Variants in DGKB observed in about 807,000 individuals in gnomAD.
The protein encoded by DGKB is diacylglycerol kinase beta.
Under a neutral mutation model 114.3 loss-of-function variants are expected in DGKB, and 67 were observed. That is an observed-to-expected ratio of 0.59 (90% CI 0.48 to 0.72). DGKB has a LOEUF of 0.72. DGKB is among the 30% of genes least tolerant of loss of function. The probability of loss-of-function intolerance (pLI) is 0.00; values close to 1 mark genes in which losing one functional copy is unlikely to be tolerated. For missense variants in DGKB, 907 were observed against 975.2 expected, an observed-to-expected ratio of 0.93 and a Z score of 0.93; for synonymous variants, 398 against 323.1, an observed-to-expected ratio of 1.23 and a Z score of -2.49.
intron 2 of DGKB, among the ~76,000 whole-genome samples, chr7:14,829,294 C>T (rs752491616): frequency 5.3e-5 from 8 of 152,144 alleles, no homozygotes; most frequent in Non-Finnish European, 4.4e-5. Context: ...TCTTATCATG[C>T]TCCCCTTAAA....
At chr7:14,854,334 G>T (rs1365819918) in intron 1 of DGKB, among the ~76,000 whole-genome samples, 1 of 152,142 alleles carries the variant, frequency 6.6e-6, no homozygotes, top group Non-Finnish European at 1.5e-5. Context: ...AATCTGTTGT[G>T]TAAGACACTT....
In DGKB at chr7:14,701,705, A is replaced by G. The variant is rs974072577; in HGVS notation, c.492T>C (p.Asp164=). The change falls in exon 7 of 26, where the codon GAT becomes GAC. Residue 164 remains aspartate, a synonymous_variant. Transcript: ENST00000402815. ...LEFMFRLYDT[D]GNGFLDSSEL... ...CCGAGCTGTCCAGGAAGCCATTCCCATCCGTGTCATAAAGGCGAAACATAA... is the reference window on the plus strand; with the variant it reads ...CCGAGCTGTCCAGGAAGCCATTCCCGTCCGTGTCATAAAGGCGAAACATAA... 2.5e-6 allele frequency: 4 copies of G among 1,612,506 alleles called. No homozygotes were observed. The highest frequency in any genetic ancestry group is 4.5e-5 in the East Asian group (2 of 44,810).
At chr7:14,829,146 G>C (rs1010508073) in intron 2 of DGKB, among the ~76,000 whole-genome samples, 1 of 151,966 alleles carries the variant, frequency 6.6e-6, no homozygotes, top group Non-Finnish European at 1.5e-5. Flanking sequence ...CATGGGTAGG[G>C]GTGCATCATG....
intron 21 of DGKB, among the ~76,000 whole-genome samples, chr7:14,347,075 G>A (rs1382922376): frequency 6.6e-6 from 1 of 151,926 alleles, no homozygotes; most frequent in Non-Finnish European, 1.5e-5. Context: ...TCCCCAAGAA[G>A]CTCAGAATGT....
At chr7:14,229,227 C>T (rs1055788821) in intron 23 of DGKB, among the ~76,000 whole-genome samples, 2 of 151,908 alleles carry the variant, frequency 1.3e-5, no homozygotes, top group East Asian at 3.9e-4. Context: ...TACATACACT[C>T]ATATACAGTA....
At chr7:14,176,561 T>C (rs1584261169) in intron 25 of DGKB, 4 of 1,108,696 alleles carry the variant, frequency 3.6e-6, no homozygotes, top group South Asian at 4.4e-5. Flanking sequence ...TTTAGCTCCA[T>C]AGTTTATAAT....
intron 2 of DGKB, among the ~76,000 whole-genome samples, chr7:14,820,226 A>G (rs541445356): frequency 6.6e-6 from 1 of 152,278 alleles, no homozygotes; most frequent in East Asian, 1.9e-4. Context: ...AAAACCCTCT[A>G]AACCAAATTT....
At chr7:14,676,785 A>G (rs1819935777) in intron 12 of DGKB, among the ~76,000 whole-genome samples, 1 of 152,030 alleles carries the variant, frequency 6.6e-6, no homozygotes, top group Non-Finnish European at 1.5e-5. Context: ...AAGAATAGAA[A>G]TGAACTACAG....
chr7:14,468,549 T>A (rs940757896), intron 21 of DGKB, among the ~76,000 whole-genome samples: 1 of 151,048 alleles, frequency 6.6e-6, no homozygotes, highest in South Asian at 2.1e-4. Flanking sequence ...AAAATTATTA[T>A]ATATAATATT....
intron 14 of DGKB, among the ~76,000 whole-genome samples, chr7:14,627,334 T>C (rs1270382656): frequency 6.6e-6 from 1 of 152,098 alleles, no homozygotes; most frequent in African/African-American, 2.4e-5. Flanking sequence ...GTTAGTCACT[T>C]CCTACACTTG....
chr7:14,608,440 A>C (rs1804919258), intron 16 of DGKB, among the ~76,000 whole-genome samples: 1 of 152,080 alleles, frequency 6.6e-6, no homozygotes, highest in South Asian at 2.1e-4. Context: ...AACATAACTC[A>C]AAATAATAAA....
At chr7:14,890,310 T>C (rs1780989437) in intron 1 of DGKB, among the ~76,000 whole-genome samples, 1 of 151,568 alleles carries the variant, frequency 6.6e-6, no homozygotes. Context: ...TGAAGCTAAA[T>C]AGCATGATTT....
chr7:14,564,578 G>A (rs1175366770), intron 20 of DGKB, among the ~76,000 whole-genome samples: 2 of 152,082 alleles, frequency 1.3e-5, no homozygotes, highest in Middle Eastern at 3.4e-3. Flanking sequence ...ATATCACTCT[G>A]GTTATTTGTA....
At chr7:14,678,342 T>G (rs760323558) in intron 12 of DGKB, among the ~76,000 whole-genome samples, 12 of 152,154 alleles carry the variant, frequency 7.9e-5, no homozygotes, top group Non-Finnish European at 1.3e-4. Context: ...ACAGAAACTA[T>G]TCAGAATCAA....
At chr7:14,399,115 C>T (rs938133226) in intron 21 of DGKB, among the ~76,000 whole-genome samples, 8 of 151,430 alleles carry the variant, frequency 5.3e-5, no homozygotes, top group Admixed American at 1.3e-4. Flanking sequence ...TTTAACTTCT[C>T]CAACGCTCAT....
chr7:14,892,864 A>ATATG (rs1554334466), intron 1 of DGKB, among the ~76,000 whole-genome samples: 5 of 147,124 alleles, frequency 3.4e-5, no homozygotes, highest in East Asian at 2.0e-4. Flanking sequence ...ATATATATAT[A>ATATG]TGTGTGTGTG....
intron 23 of DGKB, among the ~76,000 whole-genome samples, chr7:14,252,077 A>C (rs1795327026): frequency 6.6e-6 from 1 of 152,194 alleles, no homozygotes; most frequent in Non-Finnish European, 1.5e-5. Context: ...TTCTTTAAAT[A>C]AGCTTTTTGC....
At chr7:14,688,780 C>T (rs530971141) in intron 9 of DGKB, among the ~76,000 whole-genome samples, 12 of 151,984 alleles carry the variant, frequency 7.9e-5, no homozygotes, top group Admixed American at 5.2e-4. Flanking sequence ...ACTTTTAAAA[C>T]CTATTATCCT....
At chr7:14,609,326 G>A (rs1398116925) in intron 16 of DGKB, among the ~76,000 whole-genome samples, 1 of 152,008 alleles carries the variant, frequency 6.6e-6, no homozygotes, top group Admixed American at 6.6e-5. Flanking sequence ...TACTGGAATA[G>A]CTGGCTAGCC....
Sources: allele counts gnomAD v4.1 joint callset (sites outside exome capture counted in the v4.1 genomes callset), GRCh38; gene constraint gnomAD v4.1.1; transcripts MANE v1.5; gene names NCBI Gene and HGNC (gene_info 2026-07-23, HGNC 2026-07-21).